The following ANGPT1 variants were observed in gnomAD, a reference collection of about 807,000 sequenced individuals.
The protein encoded by ANGPT1 is angiopoietin-1.
Under a neutral mutation model 62.2 loss-of-function variants are expected in ANGPT1, and 17 were observed. The ratio of observed to expected loss-of-function variants is 0.27; its 90% CI spans 0.19 to 0.41. ANGPT1 has a LOEUF of 0.41. Among genes scored for constraint, ANGPT1 ranks in the 10% least tolerant of loss-of-function variants. ANGPT1 has a pLI of 1.00. For missense variants in ANGPT1, 478 were observed against 594.9 expected, an observed-to-expected ratio of 0.80 and a Z score of 2.04; for synonymous variants, 199 against 198.9, an observed-to-expected ratio of 1.00 and a Z score of 0.00.
chr8:107,298,538 A>C lies in ANGPT1; in HGVS notation c.937-4501T>G, dbSNP rs112149346. ...AAAAGTAAATACAGAAATGACCTAA[A>C]TCTAATTTTCTTTCTGCTTGAAAAG... On this transcript the variant is annotated intron_variant, in intron 5 of 8. Transcript: ENST00000517746. 3.7e-3 allele frequency among the ~76,000 whole-genome samples: 568 copies of C among 152,004 alleles called. 3 individuals are homozygous for C. Among genetic ancestry groups the C allele is most frequent in the Non-Finnish European group, 5.8e-3 (393 of 67,896 alleles).
chr8:107,450,338 T>C (rs1373951466), intron 1 of ANGPT1, among the ~76,000 whole-genome samples: 1 of 152,052 alleles, frequency 6.6e-6, no homozygotes, highest in East Asian at 1.9e-4. Context: ...CTTCCTGTAG[T>C]AGAGTTAAGG....
intron 1 of ANGPT1, among the ~76,000 whole-genome samples, chr8:107,449,770 G>A (rs1811719790): frequency 1.3e-5 from 2 of 151,966 alleles, no homozygotes; most frequent in African/African-American, 2.4e-5. Context: ...CAAAGAACCC[G>A]TCTTCATTCT....
intron 1 of ANGPT1, among the ~76,000 whole-genome samples, chr8:107,435,398 A>G (rs748224647): frequency 6.6e-6 from 1 of 152,228 alleles, no homozygotes; most frequent in Non-Finnish European, 1.5e-5. Context: ...GGTGTTTTCT[A>G]GACAAATGCT....
rs10156232 is a variant in ANGPT1 at position 107,346,798 on chromosome 8, G to A, written c.453+144C>T. 0.19 allele frequency: 130,924 copies of A among 694,696 alleles called. 14,509 individuals are homozygous for A. The highest frequency in any genetic ancestry group is 0.37 in the East Asian group (13,994 of 38,128). The allele number at this position is 694,696 out of a possible 1,614,324, so 43.0% of individuals were successfully genotyped here. ...AAAAAAAACACGCATAGCATGTCAGGCAGTCATTGTTGTTATTACCAATAA... is the reference window on the plus strand; with the variant it reads ...AAAAAAAACACGCATAGCATGTCAGACAGTCATTGTTGTTATTACCAATAA... On this transcript the variant is annotated intron_variant, in intron 2 of 8. Transcript: ENST00000517746.
At chr8:107,418,452 T>C (rs1394692310) in intron 1 of ANGPT1, among the ~76,000 whole-genome samples, 1 of 152,198 alleles carries the variant, frequency 6.6e-6, no homozygotes, top group Admixed American at 6.5e-5. Context: ...TTCCGTGACA[T>C]TCAACTGAAT....
chr8:107,451,327 A>T (rs1811773963), intron 1 of ANGPT1, among the ~76,000 whole-genome samples: 2 of 151,418 alleles, frequency 1.3e-5, no homozygotes, highest in African/African-American at 4.8e-5. Context: ...ACACACACAC[A>T]CACACACACA....
intron 7 of ANGPT1, among the ~76,000 whole-genome samples, chr8:107,264,966 C>T (rs1209875369): frequency 6.6e-6 from 1 of 152,100 alleles, no homozygotes; most frequent in African/African-American, 2.4e-5. Flanking sequence ...TTGCTGAGCA[C>T]AAACTACATA....
At chr8:107,284,044 G>A (rs950376459) in intron 7 of ANGPT1, 2 of 152,010 alleles carry the variant, frequency 1.3e-5, no homozygotes, top group Non-Finnish European at 2.9e-5. Flanking sequence ...CCTAGTAGAC[G>A]AGCTTCTCAT....
At chr8:107,392,690 C>G (rs1816858395) in intron 1 of ANGPT1, among the ~76,000 whole-genome samples, 1 of 152,110 alleles carries the variant, frequency 6.6e-6, no homozygotes, top group Admixed American at 6.5e-5. Flanking sequence ...ATTAACTCTA[C>G]TCCTGTTCTT....
In ANGPT1 at chr8:107,284,816, C is replaced by A. The variant is rs775119977; in HGVS notation, c.1071G>T (p.Leu357=). ...GFGNPSGEYW[L]GNEFIFAITS... The stretch of plus-strand genomic sequence containing the variant: ...TAATGGCAAAAATAAACTCATTCCC[C>A]AGCCAATATTCACCGGAGGGATTTC... The change falls in exon 7 of 9, where the codon CTG becomes CTT. Residue 357 remains leucine, a synonymous_variant. Coordinates refer to ENST00000517746, the MANE Select transcript of ANGPT1 (RefSeq NM_001146.5). 5 of 1,604,928 alleles carry A rather than the reference C, an allele frequency of 3.1e-6. No homozygotes were observed. The highest frequency in any genetic ancestry group is 2.2e-5 in the South Asian group (2 of 89,514).
At chr8:107,387,831 A>G (rs567375532) in intron 1 of ANGPT1, among the ~76,000 whole-genome samples, 8 of 152,104 alleles carry the variant, frequency 5.3e-5, no homozygotes, top group Admixed American at 2.0e-4. Flanking sequence ...GGAACTATTG[A>G]TGCTGTTCTT....
chr8:107,253,568 A>T (rs1053614445), intron 8 of ANGPT1, among the ~76,000 whole-genome samples: 1 of 152,172 alleles, frequency 6.6e-6, no homozygotes, highest in Non-Finnish European at 1.5e-5. Context: ...TAGTCTTTCA[A>T]ATATGCACCA....
chr8:107,418,351 A>G (rs1157115331), intron 1 of ANGPT1, among the ~76,000 whole-genome samples: 1 of 152,160 alleles, frequency 6.6e-6, no homozygotes, highest in Non-Finnish European at 1.5e-5. Flanking sequence ...TTTGGACACC[A>G]TCAACAAAAT....
intron 1 of ANGPT1, among the ~76,000 whole-genome samples, chr8:107,459,923 G>A (rs968992662): frequency 2.0e-5 from 3 of 152,128 alleles, no homozygotes; most frequent in Admixed American, 2.0e-4. Context: ...AGAGAACAAA[G>A]GGTTGTTTGT....
At chr8:107,278,359 C>T (rs546017211) in intron 7 of ANGPT1, among the ~76,000 whole-genome samples, 1 of 152,168 alleles carries the variant, frequency 6.6e-6, no homozygotes, top group Non-Finnish European at 1.5e-5. Context: ...GGTGGAATTA[C>T]AGGTGTGAAC....
chr8:107,340,691 G>A (rs1228054513), intron 2 of ANGPT1, among the ~76,000 whole-genome samples: 2 of 146,750 alleles, frequency 1.4e-5, no homozygotes, highest in Non-Finnish European at 3.0e-5. Flanking sequence ...ACAGGGCTCT[G>A]CCATGTTGCC....
chr8:107,387,860 TA>T (rs1563599616), intron 1 of ANGPT1, among the ~76,000 whole-genome samples: 3 of 152,182 alleles, frequency 2.0e-5, no homozygotes, highest in Admixed American at 2.0e-4. Flanking sequence ...CCCACAACTT[TA>T]AAAATAAATT....
chr8:107,405,874 C>T (rs532801811), intron 1 of ANGPT1, among the ~76,000 whole-genome samples: 1 of 151,184 alleles, frequency 6.6e-6, no homozygotes, highest in South Asian at 2.1e-4. Flanking sequence ...TTTGATATTC[C>T]TCTCAATTTT....
chr8:107,425,920 C>T (rs1490576639), intron 1 of ANGPT1, among the ~76,000 whole-genome samples: 4 of 152,156 alleles, frequency 2.6e-5, no homozygotes, highest in Non-Finnish European at 4.4e-5. Flanking sequence ...AAGCAAGCAT[C>T]GGGAACAGCT....
Sources: gnomAD v4.1 joint callset for allele counts (sites outside exome capture counted in the v4.1 genomes callset) on GRCh38, gnomAD v4.1.1 for gene constraint, MANE v1.5 for transcripts, NCBI Gene and HGNC (gene_info 2026-07-23, HGNC 2026-07-21) for gene names.